Variants in RASAL2 observed in about 807,000 individuals in gnomAD.
RASAL2 encodes ras GTPase-activating protein nGAP.
RASAL2 carries 58 observed loss-of-function variants against 128.9 expected under a neutral mutation model. The ratio of observed to expected loss-of-function variants is 0.45; its 90% CI spans 0.36 to 0.56. RASAL2 has a LOEUF of 0.56. Ranked by LOEUF, RASAL2 falls within the 20% of genes least tolerant of loss-of-function variation. The pLI, the probability that RASAL2 is intolerant of heterozygous loss-of-function variation, is 0.00. For synonymous variants in RASAL2, 561 were observed against 580.8 expected (o/e 0.97, Z 0.49); for missense variants, 1,360 against 1,601.6 (o/e 0.85, Z 2.57).
At chr1:178,291,355 G>A (rs1667274029) in intron 2 of RASAL2, among the ~76,000 whole-genome samples, 2 of 152,180 alleles carry the variant, frequency 1.3e-5, no homozygotes, top group South Asian at 4.1e-4. Context: ...ATTTAGCAAG[G>A]TAATGACATC....
At chr1:178,386,582 C>A (rs1183702047) in intron 3 of RASAL2, among the ~76,000 whole-genome samples, 1 of 152,146 alleles carries the variant, frequency 6.6e-6, no homozygotes, top group African/African-American at 2.4e-5. Context: ...ACATTTAAAA[C>A]TTAACCAGGC....
chr1:178,360,070 TG>T (rs1473931896), intron 3 of RASAL2, among the ~76,000 whole-genome samples: 1 of 152,200 alleles, frequency 6.6e-6, no homozygotes, highest in Non-Finnish European at 1.5e-5. Context: ...ATCTCTATGA[TG>T]GGGAGCCAAT....
At chr1:178,269,019 A>G (rs1455672208) in intron 1 of RASAL2, among the ~76,000 whole-genome samples, 1 of 152,134 alleles carries the variant, frequency 6.6e-6, no homozygotes, top group Non-Finnish European at 1.5e-5. Context: ...AAGTTATTTT[A>G]TGTTGAAGCC....
chr1:178,116,934 A>G (rs1440273343), intron 1 of RASAL2, among the ~76,000 whole-genome samples: 2 of 152,182 alleles, frequency 1.3e-5, no homozygotes, highest in African/African-American at 2.4e-5. Context: ...TTGATTTATC[A>G]GTCTGAAAGT....
At chr1:178,168,356 A>G (rs191075521) in intron 1 of RASAL2, among the ~76,000 whole-genome samples, 1 of 151,830 alleles carries the variant, frequency 6.6e-6, no homozygotes, top group East Asian at 1.9e-4. Context: ...AGATGTAGAT[A>G]CATATCCCCA....
chr1:178,173,353 G>A (rs1661770631), intron 1 of RASAL2, among the ~76,000 whole-genome samples: 3 of 152,062 alleles, frequency 2.0e-5, no homozygotes, highest in Admixed American at 2.0e-4. Flanking sequence ...CTGAGATAAT[G>A]GCCTTTGTCA....
rs189970122 is a variant in RASAL2 at position 178,400,440 on chromosome 1, C to G, written c.564+10234C>G. On this transcript the variant is annotated intron_variant, in intron 4 of 17. Coordinates refer to ENST00000367649, the MANE Select transcript of RASAL2 (RefSeq NM_170692.4). ...AGCATTAACCTTGGCCGTCTCTGTC[C>G]TTCCACGGGAGTGTACATTATCCAT... 2.1e-3 allele frequency among the ~76,000 whole-genome samples: 323 copies of G among 152,224 alleles called. 3 individuals are homozygous for G. The highest frequency in any genetic ancestry group is 7.3e-3 in the African/African-American group (302 of 41,544).
At chr1:178,454,686 A>G (rs1677640525) in intron 12 of RASAL2, 38 bp downstream of exon 12, 1 of 1,566,424 alleles carries the variant, frequency 6.4e-7, no homozygotes, top group Admixed American at 1.7e-5. Flanking sequence ...ACTTTAATGT[A>G]CCTGAATTCT....
intron 4 of RASAL2, among the ~76,000 whole-genome samples, chr1:178,399,603 T>A (rs1259799260): frequency 6.6e-6 from 1 of 152,078 alleles, no homozygotes; most frequent in Non-Finnish European, 1.5e-5. Context: ...TTACCTGTAA[T>A]TTTTCCTGGT....
intron 1 of RASAL2, among the ~76,000 whole-genome samples, chr1:178,115,459 T>TA (rs943491080): frequency 2.6e-5 from 4 of 152,192 alleles, no homozygotes; most frequent in African/African-American, 9.6e-5. Context: ...ACATTTGTAC[T>TA]AAGACCAAAA....
At chr1:178,236,219 G>A (rs1220327731) in intron 1 of RASAL2, among the ~76,000 whole-genome samples, 1 of 152,046 alleles carries the variant, frequency 6.6e-6, no homozygotes, top group African/African-American at 2.4e-5. Context: ...AAAGTTGTTG[G>A]TTTTTTAGAT....
intron 1 of RASAL2, among the ~76,000 whole-genome samples, chr1:178,114,209 A>T (rs774542603): frequency 6.6e-6 from 1 of 152,170 alleles, no homozygotes; most frequent in Non-Finnish European, 1.5e-5. Context: ...TAGAACTTCC[A>T]GTATAATGTT....
At chr1:178,456,474 C>G (rs1232933790) in intron 12 of RASAL2, 1 of 580,060 alleles carries the variant, frequency 1.7e-6, no homozygotes, top group Non-Finnish European at 3.1e-6. Flanking sequence ...CTTGCATAAT[C>G]CTGATTTCGA....
intron 4 of RASAL2, among the ~76,000 whole-genome samples, chr1:178,392,279 T>G (rs1451240383): frequency 6.6e-6 from 1 of 152,144 alleles, no homozygotes; most frequent in Non-Finnish European, 1.5e-5. Flanking sequence ...GAGCAGAGTT[T>G]CAAAGTCTGA....
intron 1 of RASAL2, among the ~76,000 whole-genome samples, chr1:178,133,463 A>G (rs1456203280): frequency 6.6e-6 from 1 of 151,432 alleles, no homozygotes; most frequent in Non-Finnish European, 1.5e-5. Context: ...GCCACCAGAA[A>G]ACATTCTGCT....
intron 4 of RASAL2, chr1:178,411,846 A>C: frequency 1.3e-6 from 1 of 751,000 alleles, no homozygotes; most frequent in Non-Finnish European, 2.5e-6. Context: ...TACACGTCAA[A>C]CTCTGGGCCA....
Position 178,214,958 on chromosome 1 carries a change from G to A in RASAL2, c.203-68606G>A, listed in dbSNP as rs891557324. On this transcript the variant is annotated intron_variant, in intron 1 of 17. Coordinates refer to ENST00000367649, the MANE Select transcript of RASAL2 (RefSeq NM_170692.4). Reference sequence around the variant, plus strand: ...ATGGGACATATTAACTGTTTGCATCGTGAATTTATGGGTGTCTAACCTTTT... The same window carrying A: ...ATGGGACATATTAACTGTTTGCATCATGAATTTATGGGTGTCTAACCTTTT... Among the ~76,000 whole-genome samples the A allele has an allele frequency of 7.2e-5, 11 of 152,324 alleles. No homozygotes were observed. In the East Asian group the frequency reaches 1.3e-3, roughly 19 times the overall value.
chr1:178,325,627 G>A (rs1669001482), intron 3 of RASAL2, among the ~76,000 whole-genome samples: 1 of 152,166 alleles, frequency 6.6e-6, no homozygotes, highest in African/African-American at 2.4e-5. Flanking sequence ...AATAGCCTTG[G>A]AGTAGCCACT....
chr1:178,154,296 A>C (rs550123478), intron 1 of RASAL2, among the ~76,000 whole-genome samples: 97 of 152,188 alleles, frequency 6.4e-4, no homozygotes, highest in Non-Finnish European at 1.3e-3. Context: ...ATAACTATGC[A>C]TCACCACATT....
Sources: gnomAD v4.1 joint callset for allele counts (sites outside exome capture counted in the v4.1 genomes callset) on GRCh38, gnomAD v4.1.1 for gene constraint, MANE v1.5 for transcripts, NCBI Gene and HGNC (gene_info 2026-07-23, HGNC 2026-07-21) for gene names.